Variants in SYNE2 observed in about 807,000 individuals in gnomAD.
SYNE2 encodes nesprin-2.
In SYNE2, 431 loss-of-function variants were observed where a neutral mutation model predicts 856.3. The observed-to-expected ratio is 0.50, with a 90% CI of 0.47 to 0.55. SYNE2 has a LOEUF of 0.55. SYNE2 is among the 20% of genes least tolerant of loss of function. The pLI is 0.00. For missense variants in SYNE2, 8,129 were observed against 8,023.2 expected (o/e 1.01, Z -0.50); for synonymous variants, 2,923 against 2,872.3 (o/e 1.02, Z -0.56).
At chr14:63,885,424 G>C (rs1178638988) in intron 1 of SYNE2, among the ~76,000 whole-genome samples, 1 of 152,052 alleles carries the variant, frequency 6.6e-6, no homozygotes, top group Non-Finnish European at 1.5e-5. Flanking sequence ...GGCAATCATG[G>C]GGCTCACGTT....
chr14:63,940,195 A>C (rs1397296536), intron 2 of SYNE2, among the ~76,000 whole-genome samples: 1 of 148,818 alleles, frequency 6.7e-6, no homozygotes, highest in African/African-American at 2.5e-5. Context: ...TTCCCCCCTC[A>C]CAGGTTCATG....
intron 94 of SYNE2, among the ~76,000 whole-genome samples, chr14:64,173,057 G>T (rs2098418439): frequency 6.6e-6 from 1 of 152,218 alleles, no homozygotes; most frequent in African/African-American, 2.4e-5. Context: ...TGAGGTAACA[G>T]GGAGGGAAAG....
chr14:64,104,363 C>T (rs1009352854), intron 64 of SYNE2, among the ~76,000 whole-genome samples: 1 of 152,016 alleles, frequency 6.6e-6, no homozygotes, highest in Non-Finnish European at 1.5e-5. Context: ...TCCTCCATCT[C>T]CTTTTCTTGC....
In SYNE2 at chr14:64,210,190, G is replaced by C. The variant is rs149316258; in HGVS notation, c.18723+66G>C. The stretch of plus-strand genomic sequence containing the variant: ...GAGACATAACGCACGATACGCAATG[G>C]CAGGCTTGTGGCACAAAGCAGCAGG... On this transcript the variant is annotated intron_variant, in intron 103 of 115. Transcript: ENST00000555002. 51 of 1,555,118 alleles carry C rather than the reference G, an allele frequency of 3.3e-5. No individual in the cohort carries two copies. In the African/African-American group the frequency reaches 5.9e-4, roughly 18 times the overall value.
intron 57 of SYNE2, chr14:64,084,985 G>C (rs942840024): frequency 2.8e-6 from 2 of 702,368 alleles, no homozygotes; most frequent in South Asian, 3.0e-5. Context: ...GCTCCTCCAG[G>C]AGTCTGCCTC....
At chr14:63,841,731 C>G (rs1471203997) in intron 1 of SYNE2, among the ~76,000 whole-genome samples, 1 of 151,442 alleles carries the variant, frequency 6.6e-6, no homozygotes, top group Non-Finnish European at 1.5e-5. Context: ...ATTCAGATTT[C>G]TCTTATGAAG....
At chr14:64,080,225 C>T (rs2097509220) in intron 55 of SYNE2, among the ~76,000 whole-genome samples, 1 of 152,084 alleles carries the variant, frequency 6.6e-6, no homozygotes, top group African/African-American at 2.4e-5. Flanking sequence ...TTCTGTTCCC[C>T]TACAGCTAAT....
intron 2 of SYNE2, among the ~76,000 whole-genome samples, chr14:63,913,504 C>A (rs1431299258): frequency 1.3e-5 from 2 of 149,394 alleles, no homozygotes; most frequent in Non-Finnish European, 3.0e-5. Flanking sequence ...GCTCTGTCAC[C>A]CGGGCTGGAG....
rs758884582 is a variant in SYNE2, at chr14:64,125,190, G to A, written c.13534G>A (p.Ala4512Thr). 8 of 1,613,992 alleles carry A rather than the reference G, an allele frequency of 5.0e-6. No individual in the cohort carries two copies. Among genetic ancestry groups the A allele is most frequent in the Non-Finnish European group, 6.8e-6 (8 of 1,180,020 alleles). Residue 4512 changes from alanine to threonine, a missense_variant, in exon 71 of 116, where the codon GCA (alanine) becomes ACA (threonine). By Grantham distance (58) the Ala-to-Thr change is moderately conservative. Around this residue, in one of 3 missense-constraint regions of SYNE2, gnomAD observed 5,410 missense variants for 5,284.8 expected, o/e 1.02. Coordinates refer to ENST00000555002, the MANE Select transcript of SYNE2 (RefSeq NM_182914.3). ...CCAACTTGAAGACCTGCGCCAAGAA[G>A]CAAGTAACCTTCAGACACAGGTAGA... is the stretch of plus-strand genomic sequence containing the variant. ...TTQLEDLRQEASNLQTQENMT... is the reference protein window; with the variant it reads ...TTQLEDLRQETSNLQTQENMT...
chr14:63,952,384 G>A (rs1228989756), intron 7 of SYNE2, among the ~76,000 whole-genome samples: 1 of 152,152 alleles, frequency 6.6e-6, no homozygotes, highest in Non-Finnish European at 1.5e-5. Context: ...TGCAGCTTTT[G>A]CCATTACTTT....
Position 64,073,973 on chromosome 14 carries a change from T to A in SYNE2, c.10703T>A (p.Leu3568His), listed in dbSNP as rs1239369426. The A allele has an allele frequency of 6.2e-7, 1 of 1,613,966 alleles. No individual in the cohort carries two copies. The highest frequency in any genetic ancestry group is 8.5e-7 in the Non-Finnish European group (1 of 1,179,992). ...ATTTTGACGTTCTCTTTTAGGCTTC[T>A]TCAGAAAGTTCAGAAAAATAAAGAA... Reference protein sequence around the residue: ...TSMKERCNKLLQKVQKNKELV... With the variant: ...TSMKERCNKLHQKVQKNKELV... Residue 3568 changes from leucine to histidine, a missense_variant, in exon 53 of 116, where the codon CTT (leucine) becomes CAT (histidine). By Grantham distance (99) the Leu-to-His change is moderately conservative (BLOSUM62 -3). Transcript: ENST00000555002.
In SYNE2 at chr14:63,839,435, C is replaced by A. The variant is rs145314301; in HGVS notation, c.-304-13066C>A. Among the ~76,000 whole-genome samples the A allele has an allele frequency of 3.3e-5, 5 of 152,288 alleles. 1 individual carries two copies. In the South Asian group the frequency reaches 1.0e-3, roughly 32 times the overall value. ...TAAGATTGAGCATTACCACCCCCCA[C>A]GCCCATTTACTGACCATTTGGAATT... On this transcript the variant is annotated intron_variant, in intron 1 of 23. Coordinates refer to the SYNE2 transcript ENST00000674003.
At chr14:63,803,357 G>A (rs934734427) in intron 1 of SYNE2, among the ~76,000 whole-genome samples, 1 of 152,250 alleles carries the variant, frequency 6.6e-6, no homozygotes, top group African/African-American at 2.4e-5. Context: ...AGGAGCCCAT[G>A]GAGTGGGTGG....
chr14:64,214,567 T>C, intron 106 of SYNE2, 97 bp downstream of exon 106: 1 of 1,257,808 alleles, frequency 8.0e-7, no homozygotes, highest in Non-Finnish European at 1.1e-6. Flanking sequence ...CAAGAGTCCA[T>C]CTTGTGGCCG....
rs34001379 is a variant in SYNE2 at position 63,995,196 on chromosome 14, A to C, written c.2934A>C (p.Glu978Asp). The C allele has an allele frequency of 6.2e-7, 1 of 1,606,012 alleles. No individual in the cohort carries two copies. Among genetic ancestry groups the C allele is most frequent in the Non-Finnish European group, 8.5e-7 (1 of 1,174,986 alleles). The change falls in exon 23 of 116, where the codon GAA becomes GAC. Residue 978 changes from glutamate to aspartate, a missense_variant. By Grantham distance (45) the Glu-to-Asp change is conservative (BLOSUM62 2). Around this residue, in one of 3 missense-constraint regions of SYNE2, gnomAD observed 2,422 missense variants for 2,357.4 expected, o/e 1.03. Transcript: ENST00000555002. ...RRGRTKGLIK[E>D]HEACFSEEGC... Reference sequence around the variant, plus strand: ...GAAGGACCAAGGGTCTCATCAAAGAACATGAGGTACAATAAAGTGTTTCCA... The same window carrying C: ...GAAGGACCAAGGGTCTCATCAAAGACCATGAGGTACAATAAAGTGTTTCCA...
At chr14:64,050,116 T>TC (rs1225383022) in intron 47 of SYNE2, among the ~76,000 whole-genome samples, 29 of 152,112 alleles carry the variant, frequency 1.9e-4, no homozygotes, top group Non-Finnish European at 3.2e-4. Context: ...GGGTGGGAAG[T>TC]CCAAGATCAA....
rs2098693362 is a variant in SYNE2, at chr14:64,221,404, T to G, written c.20062-172T>G. The G allele has an allele frequency of 2.5e-6, 3 of 1,196,056 alleles. 1 individual carries two copies. In the South Asian group the frequency reaches 4.2e-5, roughly 17 times the overall value. The allele number at this position is 1,196,056 out of a possible 1,614,324, so 74.1% of individuals were successfully genotyped here. A position where few individuals can be genotyped will look rare whatever the true frequency, so the allele number is the denominator to read the frequency against. On this transcript the variant is annotated intron_variant, in intron 111 of 115. Coordinates refer to ENST00000555002, the MANE Select transcript of SYNE2 (RefSeq NM_182914.3). ...TGTGCTGAGTGTCTTCCTTCTTTCC[T>G]CTTCCTCATTTTGGGGCCCTGGCAT...
chr14:64,009,947 T>C lies in SYNE2; in HGVS notation c.4578-19T>C. The stretch of plus-strand genomic sequence containing the variant: ...GCTATTTTTGGACATTTAGCTATTG[T>C]ATATTTTTCTATTCTTAGTCTTGAA... On this transcript the variant is annotated intron_variant, in intron 31 of 115. Transcript: ENST00000555002. 1 of 1,608,822 alleles carries C rather than the reference T, an allele frequency of 6.2e-7. No individual in the cohort carries two copies. The highest frequency in any genetic ancestry group is 8.5e-7 in the Non-Finnish European group (1 of 1,176,408).
In SYNE2 at chr14:64,065,502, G is replaced by A; in HGVS notation, c.10283G>A (p.Arg3428Lys). 1 of 1,614,084 alleles carries A rather than the reference G, an allele frequency of 6.2e-7. No individual in the cohort carries two copies. Among genetic ancestry groups the A allele is most frequent in the Non-Finnish European group, 8.5e-7 (1 of 1,180,026 alleles). The change falls in exon 51 of 116, where the codon AGA becomes AAA. Residue 3428 changes from arginine to lysine, a missense_variant. Physicochemically the swap from Arg to Lys is conservative, Grantham distance 26 (BLOSUM62 2). Around this residue, in one of 3 missense-constraint regions of SYNE2, gnomAD observed 5,410 missense variants for 5,284.8 expected, o/e 1.02. Transcript: ENST00000555002. ...MKLRQILRLL[R>K]LRCTENDGIC... ...CTACGACAGATCCTTAGACTCTTGA[G>A]ACTCAGGTGCACAGAAAATGATGGC...
Sources: gnomAD v4.1 joint callset for allele counts (sites outside exome capture counted in the v4.1 genomes callset) on GRCh38, gnomAD v4.1.1 for gene constraint, gnomAD v4.1.1 regional missense constraint, MANE v1.5 for transcripts, NCBI Gene and HGNC (gene_info 2026-07-23, HGNC 2026-07-21) for gene names.